MGAT4C: variants seen among roughly 807,000 people sequenced by gnomAD.
The protein encoded by MGAT4C is MGAT4 family member C.
A neutral mutation model predicts 40.1 loss-of-function variants in MGAT4C; 19 were observed. The ratio of observed to expected loss-of-function variants is 0.47; its 90% confidence interval spans 0.33 to 0.70. The LOEUF (loss-of-function observed/expected upper bound fraction) is 0.70, where lower values mean the gene tolerates loss of function less well. Ranked by LOEUF, MGAT4C falls within the 30% of genes least tolerant of loss-of-function variation. MGAT4C has a pLI of 0.02. For synonymous variants in MGAT4C, 181 were observed against 187.1 expected, an observed-to-expected ratio of 0.97 and a Z score of 0.27; for missense variants, 491 against 563.2, an observed-to-expected ratio of 0.87 and a Z score of 1.30.
At chr12:86,265,350 G>A (rs1168636189) in intron 4 of MGAT4C, among the ~76,000 whole-genome samples, 5 of 152,168 alleles carry the variant, frequency 3.3e-5, no homozygotes, top group African/African-American at 4.8e-5. Flanking sequence ...ACACCCCAAG[G>A]ATCCTGTGAC....
intron 1 of MGAT4C, among the ~76,000 whole-genome samples, chr12:86,820,721 A>G (rs1952690649): frequency 6.6e-6 from 1 of 150,952 alleles, no homozygotes. Flanking sequence ...GATGAAAGAG[A>G]GATACAATAT....
chr12:86,780,943 G>C (rs2136182145), intron 1 of MGAT4C, among the ~76,000 whole-genome samples: 1 of 152,164 alleles, frequency 6.6e-6, no homozygotes, highest in East Asian at 1.9e-4. Context: ...TTACACTTAA[G>C]GTAATGGCCT....
At chr12:86,721,038 T>G (rs1950727776) in intron 2 of MGAT4C, among the ~76,000 whole-genome samples, 1 of 152,230 alleles carries the variant, frequency 6.6e-6, no homozygotes, top group East Asian at 1.9e-4. Context: ...GAGAGAAACT[T>G]TGACCAATCA....
At chr12:86,104,282 T>C (rs1039040190) in intron 1 of MGAT4C, among the ~76,000 whole-genome samples, 10 of 139,382 alleles carry the variant, frequency 7.2e-5, no homozygotes, top group African/African-American at 2.4e-4. Flanking sequence ...AAAAGAAAAA[T>C]ACAAAAAGTT....
chr12:86,222,146 A>C (rs761089172), intron 1 of MGAT4C, among the ~76,000 whole-genome samples: 8 of 152,200 alleles, frequency 5.3e-5, no homozygotes, highest in Non-Finnish European at 1.2e-4. Flanking sequence ...TCTCTGAGAA[A>C]GAAAAGTATG....
chr12:86,461,375 A>T (rs1957598340), intron 2 of MGAT4C, among the ~76,000 whole-genome samples: 1 of 151,644 alleles, frequency 6.6e-6, no homozygotes, highest in Admixed American at 6.6e-5. Flanking sequence ...CCTCCCGAGT[A>T]GCTGGGACTA....
At chr12:86,599,654 T>C (rs571130576) in intron 2 of MGAT4C, 32 of 152,212 alleles carry the variant, frequency 2.1e-4, no homozygotes, top group African/African-American at 7.0e-4. Flanking sequence ...CATTATCCCA[T>C]TTTACAGCTG....
intron 2 of MGAT4C, among the ~76,000 whole-genome samples, chr12:86,648,484 C>T (rs1412551356): frequency 2.6e-5 from 4 of 151,698 alleles, no homozygotes; most frequent in Admixed American, 6.6e-5. Flanking sequence ...AATTAATACC[C>T]TTGTGAAAAA....
At chr12:86,539,481 CAT>C in intron 2 of MGAT4C, among the ~76,000 whole-genome samples, 1 of 152,318 alleles carries the variant, frequency 6.6e-6, no homozygotes, top group Non-Finnish European at 1.5e-5. Context: ...CCGCAATAAA[CAT>C]ACGTGTGCAT....
chr12:86,590,027 C>G (rs909570145), intron 2 of MGAT4C, among the ~76,000 whole-genome samples: 5 of 151,894 alleles, frequency 3.3e-5, no homozygotes, highest in African/African-American at 1.2e-4. Context: ...GGGAACACTT[C>G]GTAGGATGCT....
intron 1 of MGAT4C, among the ~76,000 whole-genome samples, chr12:86,114,802 A>G (rs537602322): frequency 6.6e-6 from 1 of 152,022 alleles, no homozygotes; most frequent in African/African-American, 2.4e-5. Context: ...CCCGGCCTTC[A>G]TCTTTCCTTT....
At chr12:86,252,464 G>A (rs543391889) in intron 1 of MGAT4C, among the ~76,000 whole-genome samples, 17 of 152,054 alleles carry the variant, frequency 1.1e-4, no homozygotes, top group Admixed American at 4.6e-4. Context: ...TAGGTTCTAC[G>A]TATGGATTGG....
rs1883150807 is a variant in MGAT4C at position 85,962,277 on chromosome 12, T to G, written c.*17012A>C. 6.6e-6 allele frequency: 1 copy of G among 151,584 alleles called. No individual in the cohort carries two copies. The highest frequency in any genetic ancestry group is 2.4e-5 in the African/African-American group (1 of 41,376). The allele number at this position is 151,584 out of a possible 1,614,324, so 9.4% of individuals were successfully genotyped here. The stretch of plus-strand genomic sequence containing the variant: ...TGGTCTAAATATCCCAACATATCTT[T>G]CGTTTTGAGATCTGCAGAACAAAGT... On this transcript the variant is annotated 3_prime_UTR_variant, in exon 5 of 5. Coordinates refer to ENST00000611864, the MANE Select transcript of MGAT4C (RefSeq NM_001351288.2).
chr12:86,652,959 T>C (rs943821001), intron 2 of MGAT4C, among the ~76,000 whole-genome samples: 2 of 151,860 alleles, frequency 1.3e-5, no homozygotes, highest in African/African-American at 4.8e-5. Flanking sequence ...AATTTGTCAT[T>C]TTTTTAGTAC....
intron 1 of MGAT4C, among the ~76,000 whole-genome samples, chr12:86,792,064 A>C (rs900506752): frequency 1.3e-5 from 2 of 152,212 alleles, no homozygotes; most frequent in African/African-American, 4.8e-5. Flanking sequence ...TTGACAGAAA[A>C]ATAGCATAAT....
chr12:86,044,771 T>A lies in MGAT4C; in HGVS notation c.-7+4903A>T, dbSNP rs186781357. Among the ~76,000 whole-genome samples, 361 of 152,100 alleles carry A rather than the reference T, an allele frequency of 2.4e-3. 1 individual carries two copies. Among genetic ancestry groups the A allele is most frequent in the Non-Finnish European group, 3.7e-3 (254 of 67,976 alleles). Reference sequence around the variant, plus strand: ...TGCACTGCAAGTGGGCTCTGCCAGGTTGGGGCCCTGGAGCAGACCTAGCTA... The same window carrying A: ...TGCACTGCAAGTGGGCTCTGCCAGGATGGGGCCCTGGAGCAGACCTAGCTA... On this transcript the variant is annotated intron_variant, in intron 2 of 4. Transcript: ENST00000611864.
chr12:86,738,859 T>C (rs575322881), intron 1 of MGAT4C, among the ~76,000 whole-genome samples: 2 of 151,030 alleles, frequency 1.3e-5, no homozygotes, highest in African/African-American at 4.8e-5. Flanking sequence ...ACTGAAGAGG[T>C]TGAACACAAA....
At chr12:86,488,961 C>T (rs143063276) in intron 2 of MGAT4C, among the ~76,000 whole-genome samples, 92 of 152,244 alleles carry the variant, frequency 6.0e-4, no homozygotes, top group Middle Eastern at 3.4e-3. Context: ...AGCCAAAAAA[C>T]TTGAAATCTG....
intron 4 of MGAT4C, among the ~76,000 whole-genome samples, chr12:86,272,398 A>G (rs529383020): frequency 6.6e-6 from 1 of 152,294 alleles, no homozygotes; most frequent in African/African-American, 2.4e-5. Context: ...TTCTTTGGCT[A>G]TATTACTAGA....
Sources: gnomAD v4.1 joint callset for allele counts (sites outside exome capture counted in the v4.1 genomes callset) on GRCh38, gnomAD v4.1.1 for gene constraint, MANE v1.5 for transcripts, NCBI Gene and HGNC (gene_info 2026-07-23, HGNC 2026-07-21) for gene names.